Variants in MGA observed in about 807,000 individuals in gnomAD.
MGA encodes the protein MAX gene-associated protein.
A neutral mutation model predicts 261.1 loss-of-function variants in MGA; 40 were observed. The ratio of observed to expected loss-of-function variants is 0.15; its 90% CI spans 0.12 to 0.20. The LOEUF is 0.20. Ranked by LOEUF, MGA falls within the 10% of genes least tolerant of loss-of-function variation. MGA has a pLI of 1.00. For synonymous variants in MGA, 1,302 were observed against 1,290.6 expected (o/e 1.01, Z -0.19); for missense variants, 3,397 against 3,630.5 (o/e 0.94, Z 1.65).
chr15:41,740,322 T>C, intron 14 of MGA, 119 bp downstream of exon 14: 1 of 1,150,448 alleles, frequency 8.7e-7, no homozygotes, highest in Non-Finnish European at 1.2e-6. Flanking sequence ...TTCTTATTCT[T>C]GTTGTCTGTC....
At chr15:41,743,781 A>G (rs572652354) in intron 15 of MGA, among the ~76,000 whole-genome samples, 1 of 152,338 alleles carries the variant, frequency 6.6e-6, no homozygotes, top group African/African-American at 2.4e-5. Flanking sequence ...CTGGACATGA[A>G]CTGATTGAAA....
At chr15:41,742,404 A>G (rs1486511302) in intron 14 of MGA, 142 bp from the exon 15 acceptor site, 5 of 1,042,040 alleles carry the variant, frequency 4.8e-6, no homozygotes, top group South Asian at 3.6e-5. Flanking sequence ...AAGAAAAAAA[A>G]GAAATTGGCA....
chr15:41,695,130 G>A (rs908863815), intron 2 of MGA, among the ~76,000 whole-genome samples: 19 of 151,722 alleles, frequency 1.3e-4, no homozygotes, highest in African/African-American at 4.6e-4. Context: ...AATGAGAGGT[G>A]CAGTTTTAGA....
At chr15:41,673,788 C>T (rs1402083834) in intron 2 of MGA, among the ~76,000 whole-genome samples, 1 of 151,994 alleles carries the variant, frequency 6.6e-6, no homozygotes, top group Admixed American at 6.6e-5. Context: ...GGTGATCCAC[C>T]TGCCTCAACC....
chr15:41,680,140 C>T (rs1595691133), intron 2 of MGA, among the ~76,000 whole-genome samples: 2 of 152,184 alleles, frequency 1.3e-5, no homozygotes, highest in East Asian at 3.8e-4. Context: ...GACCATGGTC[C>T]TACTGTATTC....
At chr15:41,765,677 T>C (rs1028144620) in intron 23 of MGA, among the ~76,000 whole-genome samples, 5 of 152,224 alleles carry the variant, frequency 3.3e-5, no homozygotes, top group Non-Finnish European at 5.9e-5. Context: ...TTTTCTGCGC[T>C]AAGTAGCAGT....
Position 41,749,371 on chromosome 15 carries a change from A to G in MGA, c.5764A>G (p.Ile1922Val), listed in dbSNP as rs370986027. Residue 1922 changes from isoleucine (I) to valine (V), a missense_variant, in exon 17 of 24, where the codon ATA becomes GTA. Coordinates refer to ENST00000219905, the MANE Select transcript of MGA (RefSeq NM_001164273.2). ...AAGTAAAACAGGCTCTGAAACCAAA[A>G]TAACTTATAGCTCAGGAGGACAGCC... The G allele has an allele frequency of 9.9e-6, 16 of 1,613,894 alleles. No individual in the cohort carries two copies. The highest frequency in any genetic ancestry group is 1.0e-5 in the Non-Finnish European group (12 of 1,179,898).
chr15:41,700,041 GTTTTTTTTTT>G (rs763919635), intron 5 of MGA, among the ~76,000 whole-genome samples: 3 of 101,572 alleles, frequency 3.0e-5, no homozygotes, highest in Non-Finnish European at 3.8e-5. Flanking sequence ...TGTCATCGAG[GTTTTTTTTTT>G]TTTTTTTTTT....
rs370326714 is a variant in MGA at position 41,766,779 on chromosome 15, C to T, written c.8697C>T (p.Pro2899=). 3.1e-6 allele frequency: 5 copies of T among 1,613,816 alleles called. No homozygotes were observed. The highest frequency in any genetic ancestry group is 1.1e-5 in the South Asian group (1 of 91,074). The change falls in exon 24 of 24, where the codon CCC becomes CCT. Residue 2899 remains proline (P), a synonymous_variant. Transcript: ENST00000219905. ...AAGGGGAGAGTGACTCTATCAGTCC[C>T]CTCCTCTTGCACTTGGAAGACGATG...
chr15:41,629,824 C>A (rs2056549342), intron 1 of MGA, among the ~76,000 whole-genome samples: 1 of 152,154 alleles, frequency 6.6e-6, no homozygotes, highest in African/African-American at 2.4e-5. Flanking sequence ...CTACTGATAT[C>A]ATAGAGTGGA....
intron 9 of MGA, among the ~76,000 whole-genome samples, chr15:41,722,136 T>C (rs2060976163): frequency 6.9e-6 from 1 of 144,172 alleles, no homozygotes; most frequent in African/African-American, 2.6e-5. Context: ...TTTTTTTTTT[T>C]TTTTTTTTTT....
intron 9 of MGA, among the ~76,000 whole-genome samples, chr15:41,724,986 G>A (rs567330007): frequency 1.7e-4 from 26 of 152,276 alleles, no homozygotes; most frequent in African/African-American, 6.3e-4. Context: ...TGTCATGAAA[G>A]ATTAATTGAA....
At chr15:41,643,551 T>A (rs2056870786) in intron 1 of MGA, among the ~76,000 whole-genome samples, 1 of 151,998 alleles carries the variant, frequency 6.6e-6, no homozygotes. Context: ...TGGCTCCCAT[T>A]TTTAAAGTGA....
Position 41,762,236 on chromosome 15 carries a change from A to C in MGA, c.7618A>C (p.Ile2540Leu). 1 of 1,613,972 alleles carries C rather than the reference A, an allele frequency of 6.2e-7. No homozygotes were observed. The highest frequency in any genetic ancestry group is 8.5e-7 in the Non-Finnish European group (1 of 1,179,876). The change falls in exon 22 of 24, where the codon ATA becomes CTA. Residue 2540 changes from isoleucine (I) to leucine (L), a missense_variant. Coordinates refer to ENST00000219905, the MANE Select transcript of MGA (RefSeq NM_001164273.2). ...GAAGATGGGATCAGATGAGTTTGACATATCTCCCAGAATTAGCAAACAGCA... is the reference window on the plus strand; with the variant it reads ...GAAGATGGGATCAGATGAGTTTGACCTATCTCCCAGAATTAGCAAACAGCA...
intron 1 of MGA, among the ~76,000 whole-genome samples, chr15:41,639,926 G>A (rs752475656): frequency 1.9e-4 from 29 of 152,158 alleles, no homozygotes; most frequent in Non-Finnish European, 4.0e-4. Context: ...GGCATTGTTG[G>A]TAGAGCTTTT....
chr15:41,633,896 C>CGCA (rs1442744500), intron 1 of MGA, among the ~76,000 whole-genome samples: 2 of 152,100 alleles, frequency 1.3e-5, no homozygotes, highest in African/African-American at 4.8e-5. Flanking sequence ...GTGAGCTGCT[C>CGCA]CCCTCTTACT....
rs769474158 is a variant in MGA, at chr15:41,766,954, C to T, written c.8872C>T (p.Pro2958Ser). 15 of 1,613,842 alleles carry T rather than the reference C, an allele frequency of 9.3e-6. No homozygotes were observed. Among genetic ancestry groups the T allele is most frequent in the Non-Finnish European group, 1.3e-5 (15 of 1,179,876 alleles). ...GAATACTTCTGGCCTCCCTGCAGAG[C>T]CCGAAAGTGTGTCCTCACCCCCCAC... Residue 2958 changes from proline to serine, a missense_variant, in exon 24 of 24, where the codon CCC becomes TCC. Around this residue, in one of 9 missense-constraint regions of MGA, gnomAD observed 647 missense variants for 642.4 expected, o/e 1.01. Coordinates refer to ENST00000219905, the MANE Select transcript of MGA (RefSeq NM_001164273.2).
At chr15:41,744,927 G>A (rs571928302) in intron 15 of MGA, among the ~76,000 whole-genome samples, 1 of 152,160 alleles carries the variant, frequency 6.6e-6, no homozygotes, top group South Asian at 2.1e-4. Context: ...TGCCCAGGCT[G>A]GAGTGCAGTG....
At position 41,731,572 on chromosome 15, in the gene MGA, G is replaced by A. The variant is rs536903930; in HGVS notation, c.3843+2223G>A. 2.0e-5 allele frequency among the ~76,000 whole-genome samples: 3 copies of A among 152,260 alleles called. No homozygotes were observed. The South Asian group carries it at 6.2e-4, about 32-fold the overall frequency. ...TGTTTTCCCAGCTTTCAGGAGGTAG[G>A]TCTGGCTTTTAGGGACTTTTAGGGA... is the stretch of plus-strand genomic sequence containing the variant. On this transcript the variant is annotated intron_variant, in intron 11 of 23. Transcript: ENST00000219905.
Sources: allele counts gnomAD v4.1 joint callset (sites outside exome capture counted in the v4.1 genomes callset), GRCh38; gene constraint gnomAD v4.1.1; regional missense constraint gnomAD v4.1.1; transcripts MANE v1.5; gene names NCBI Gene and HGNC (gene_info 2026-07-23, HGNC 2026-07-21).